The following FNIP2 variants were observed in gnomAD, a reference collection of about 807,000 sequenced individuals.
The protein encoded by FNIP2 is folliculin-interacting protein 2.
In FNIP2, 32 loss-of-function variants were observed where a neutral mutation model predicts 108.7. The observed-to-expected ratio is 0.29, with a 90% confidence interval of 0.22 to 0.40. The LOEUF (loss-of-function observed/expected upper bound fraction) is 0.40. Ranked by LOEUF, FNIP2 falls within the 10% of genes least tolerant of loss-of-function variation. The pLI, the probability that FNIP2 is intolerant of heterozygous loss-of-function variation, is 1.00. For synonymous variants in FNIP2, 480 were observed against 496.7 expected (o/e 0.97, Z 0.45); for missense variants, 1,202 against 1,381.6 (o/e 0.87, Z 2.06).
chr4:158,861,247 G>C (rs888803199), intron 10 of FNIP2, 95 bp from the exon 11 acceptor site: 1 of 1,382,976 alleles, frequency 7.2e-7, no homozygotes, highest in African/African-American at 1.5e-5. Flanking sequence ...GGACTACATA[G>C]ATTCAAGTTG....
intron 16 of FNIP2, among the ~76,000 whole-genome samples, chr4:158,903,426 G>T (rs556794290): frequency 6.6e-6 from 1 of 152,164 alleles, no homozygotes; most frequent in Non-Finnish European, 1.5e-5. Context: ...CTATTCGGCC[G>T]TCTTGCCTTA....
intron 1 of FNIP2, among the ~76,000 whole-genome samples, chr4:158,774,780 T>G (rs972609402): frequency 2.6e-5 from 4 of 152,164 alleles, no homozygotes; most frequent in Non-Finnish European, 4.4e-5. Flanking sequence ...TTATTTGAAA[T>G]ATGTTTAGAA....
At position 158,836,711 on chromosome 4, in the gene FNIP2, G is replaced by A. The variant is rs1170916235; in HGVS notation, c.727+1235G>A. The A allele has an allele frequency of 3.3e-5, 5 of 150,230 alleles. No individual in the cohort carries two copies. The East Asian group carries it at 7.8e-4, about 24-fold the overall frequency. 9.3% of individuals were successfully genotyped at this position (150,230 alleles called of 1,614,324 possible). Reference sequence around the variant, plus strand: ...CATACCTATAGTCCTAGCTACTCAGGAGGCTGAGGCACGAGAATCATTTGT... The same window carrying A: ...CATACCTATAGTCCTAGCTACTCAGAAGGCTGAGGCACGAGAATCATTTGT... On this transcript the variant is annotated intron_variant, in intron 7 of 16. Transcript: ENST00000264433.
intron 16 of FNIP2, among the ~76,000 whole-genome samples, chr4:158,903,617 C>T (rs936495350): frequency 5.3e-5 from 8 of 152,190 alleles, no homozygotes; most frequent in Non-Finnish European, 8.8e-5. Context: ...TCCCCTTCCT[C>T]CCGTAGTCAG....
intron 10 of FNIP2, among the ~76,000 whole-genome samples, chr4:158,859,934 C>A (rs957540438): frequency 1.3e-5 from 2 of 152,178 alleles, no homozygotes; most frequent in East Asian, 3.8e-4. Context: ...TATCTCTCAC[C>A]AGTCTATTCA....
chr4:158,899,460 G>A (rs1783002241), intron 16 of FNIP2, among the ~76,000 whole-genome samples: 1 of 152,164 alleles, frequency 6.6e-6, no homozygotes, highest in Admixed American at 6.5e-5. Flanking sequence ...GTAGAATTTG[G>A]CTGTGAATCC....
At chr4:158,881,351 G>A (rs1419485426) in intron 14 of FNIP2, among the ~76,000 whole-genome samples, 3 of 116,134 alleles carry the variant, frequency 2.6e-5, no homozygotes, top group East Asian at 2.6e-4. Flanking sequence ...CTCTTTCCAC[G>A]GTCTCCCTCT....
chr4:158,903,049 C>T (rs1434309228), intron 16 of FNIP2, among the ~76,000 whole-genome samples: 3 of 152,222 alleles, frequency 2.0e-5, no homozygotes, highest in African/African-American at 7.2e-5. Flanking sequence ...AAAACTCTTG[C>T]AGCTAGCTCA....
Position 158,891,457 on chromosome 4 carries a change from G to A in FNIP2, c.2961G>A (p.Leu987=). The A allele has an allele frequency of 6.3e-7, 1 of 1,599,752 alleles. No homozygotes were observed. Among genetic ancestry groups the A allele is most frequent in the Non-Finnish European group, 8.5e-7 (1 of 1,172,638 alleles). ...TGTTTCTTTTTCAGCATCCAGTCCT[G>A]GATGAGCCAATAGCTGAAGCTGTCT... ...DLVHTVHHPV[L]DEPIAEAVCI... is the part of the protein sequence containing the mutation. Residue 987 remains leucine, a synonymous_variant, in exon 15 of 17, where the codon CTG becomes CTA. Transcript: ENST00000264433.
intron 7 of FNIP2, among the ~76,000 whole-genome samples, chr4:158,844,622 C>T (rs1483601364): frequency 6.6e-6 from 1 of 152,228 alleles, no homozygotes; most frequent in East Asian, 1.9e-4. Flanking sequence ...GGCAACTACT[C>T]TGCCTATGTC....
At chr4:158,772,220 C>T (rs1237269946) in intron 1 of FNIP2, among the ~76,000 whole-genome samples, 1 of 152,174 alleles carries the variant, frequency 6.6e-6, no homozygotes, top group African/African-American at 2.4e-5. Context: ...ATGCTTCGTA[C>T]CAGAAAAATA....
At chr4:158,796,491 G>C (rs1207679132) in intron 1 of FNIP2, among the ~76,000 whole-genome samples, 1 of 152,106 alleles carries the variant, frequency 6.6e-6, no homozygotes, top group African/African-American at 2.4e-5. Flanking sequence ...TATGTTTTTG[G>C]GGGAGGGAAG....
At chr4:158,810,414 T>G (rs1206743717) in intron 1 of FNIP2, among the ~76,000 whole-genome samples, 2 of 152,182 alleles carry the variant, frequency 1.3e-5, no homozygotes, top group Admixed American at 6.5e-5. Context: ...GCTTCCTGCA[T>G]TCCTTCCCTT....
At chr4:158,900,118 G>C (rs1729063021) in intron 16 of FNIP2, among the ~76,000 whole-genome samples, 1 of 152,190 alleles carries the variant, frequency 6.6e-6, no homozygotes, top group South Asian at 2.1e-4. Flanking sequence ...TAGTCATTCA[G>C]GAGCAGGTTG....
At chr4:158,806,254 G>A (rs534985378) in intron 1 of FNIP2, 8 of 1,289,338 alleles carry the variant, frequency 6.2e-6, no homozygotes, top group East Asian at 1.1e-4. Flanking sequence ...GGAGATGTGC[G>A]GCGGCACAGC....
chr4:158,819,388 A>T (rs1277335817), intron 1 of FNIP2, among the ~76,000 whole-genome samples: 1 of 144,078 alleles, frequency 6.9e-6, no homozygotes, highest in East Asian at 1.9e-4. Context: ...TTTAATTGGA[A>T]TTGTTTGTAA....
intron 1 of FNIP2, among the ~76,000 whole-genome samples, chr4:158,819,242 A>G (rs1777745582): frequency 6.6e-6 from 1 of 152,220 alleles, no homozygotes; most frequent in African/African-American, 2.4e-5. Flanking sequence ...CTGATCAAAC[A>G]TATTTATTCT....
intron 16 of FNIP2, among the ~76,000 whole-genome samples, chr4:158,899,344 A>G (rs1004669638): frequency 1.3e-5 from 2 of 152,162 alleles, no homozygotes; most frequent in Non-Finnish European, 2.9e-5. Context: ...TTTTGCTTTC[A>G]GGATGATGCT....
At chr4:158,849,793 A>G (rs942386960) in intron 7 of FNIP2, among the ~76,000 whole-genome samples, 29 of 151,966 alleles carry the variant, frequency 1.9e-4, no homozygotes, top group African/African-American at 6.8e-4. Context: ...CACATGTAAC[A>G]GTTTGGTTAA....
Sources: allele counts gnomAD v4.1 joint callset (sites outside exome capture counted in the v4.1 genomes callset), GRCh38; gene constraint gnomAD v4.1.1; transcripts MANE v1.5; gene names NCBI Gene and HGNC (gene_info 2026-07-23, HGNC 2026-07-21).